Variants in VRK2 observed in about 807,000 individuals in gnomAD.
The protein encoded by VRK2 is serine/threonine-protein kinase VRK2.
Under a neutral mutation model 57.6 loss-of-function variants are expected in VRK2, and 60 were observed. That is an observed-to-expected ratio of 1.04 (90% CI 0.85 to 1.29). The LOEUF is 1.29. VRK2 is among the 50% of genes most tolerant of loss of function. The probability of loss-of-function intolerance (pLI) is 0.00; values close to 1 mark genes in which losing one functional copy is unlikely to be tolerated. For synonymous variants in VRK2, 231 were observed against 199.2 expected (o/e 1.16, Z -1.35); for missense variants, 705 against 588.1 (o/e 1.20, Z -2.06).
chr2:58,077,747 G>A (rs953076566), intron 2 of VRK2, among the ~76,000 whole-genome samples: 6 of 151,900 alleles, frequency 3.9e-5, no homozygotes, highest in African/African-American at 4.8e-5. Context: ...AATAATGTGC[G>A]TACTGCCACA....
chr2:57,966,828 C>A (rs555501289), intron 1 of VRK2, among the ~76,000 whole-genome samples: 1 of 152,138 alleles, frequency 6.6e-6, no homozygotes, highest in East Asian at 1.9e-4. Flanking sequence ...TGGAAATATT[C>A]AATGTATATT....
intron 2 of VRK2, among the ~76,000 whole-genome samples, chr2:58,052,600 CA>C (rs79413397): frequency 0.048 from 3,487 of 73,382 alleles, 57 homozygotes; most frequent in African/African-American, 0.095. Context: ...GAGACTGTCT[CA>C]AAAAAAAAAA....
At chr2:58,091,775 T>A (rs1196925376) in intron 7 of VRK2, among the ~76,000 whole-genome samples, 1 of 151,850 alleles carries the variant, frequency 6.6e-6, no homozygotes, top group Non-Finnish European at 1.5e-5. Context: ...AGAGAAGGAA[T>A]ATGACTGTCC....
chr2:58,121,979 G>T (rs1161688807), intron 7 of VRK2, among the ~76,000 whole-genome samples: 3 of 152,150 alleles, frequency 2.0e-5, no homozygotes, highest in Non-Finnish European at 1.5e-5. Context: ...CTCTCCAAAA[G>T]TAATCTGAGG....
At chr2:57,927,313 A>G (rs1365758158) in intron 1 of VRK2, among the ~76,000 whole-genome samples, 2 of 140,576 alleles carry the variant, frequency 1.4e-5, no homozygotes, top group African/African-American at 5.4e-5. Context: ...GTCTCGCTCT[A>G]TCGCCCAGGC....
At chr2:58,140,244 A>G (rs1454759928) in intron 11 of VRK2, among the ~76,000 whole-genome samples, 2 of 151,988 alleles carry the variant, frequency 1.3e-5, no homozygotes, top group Non-Finnish European at 2.9e-5. Context: ...ATGTGCTGAT[A>G]TTTCAATCCA....
chr2:58,000,859 G>A (rs1171651493), intron 1 of VRK2, among the ~76,000 whole-genome samples: 1 of 152,158 alleles, frequency 6.6e-6, no homozygotes, highest in Admixed American at 6.5e-5. Flanking sequence ...AATACAAATA[G>A]AAATTCAGAA....
chr2:57,960,165 T>A (rs1035309246), intron 1 of VRK2, among the ~76,000 whole-genome samples: 1 of 152,206 alleles, frequency 6.6e-6, no homozygotes, highest in Non-Finnish European at 1.5e-5. Flanking sequence ...TGTTCTTTAA[T>A]TGGTTGTCTG....
At chr2:58,072,851 T>C (rs1458178064) in intron 2 of VRK2, among the ~76,000 whole-genome samples, 1 of 152,030 alleles carries the variant, frequency 6.6e-6, no homozygotes. Context: ...CTTTAAATGT[T>C]TGTAGAATTC....
chr2:58,041,178 C>T, intron 3 of VRK2: 2 of 536,342 alleles, frequency 3.7e-6, no homozygotes, highest in South Asian at 8.1e-5. Flanking sequence ...TTTGGCTAGT[C>T]AATATTTGGT....
chr2:58,049,596 C>A (rs890033442), intron 2 of VRK2, among the ~76,000 whole-genome samples: 1 of 152,026 alleles, frequency 6.6e-6, no homozygotes, highest in African/African-American at 2.4e-5. Context: ...TTACACTGAA[C>A]TTTAATGGAT....
intron 1 of VRK2, among the ~76,000 whole-genome samples, chr2:57,956,597 T>G (rs544688966): frequency 6.6e-6 from 1 of 152,264 alleles, no homozygotes; most frequent in South Asian, 2.1e-4. Context: ...TATATTAAGT[T>G]TGGGGAATCC....
intron 2 of VRK2, among the ~76,000 whole-genome samples, chr2:58,081,991 G>T (rs1670947817): frequency 6.6e-6 from 1 of 151,354 alleles, no homozygotes; most frequent in African/African-American, 2.4e-5. Flanking sequence ...ACTATAAAAA[G>T]ACCCCCGTGG....
intron 1 of VRK2, among the ~76,000 whole-genome samples, chr2:58,013,833 T>C (rs1045778988): frequency 8.4e-6 from 1 of 119,392 alleles, no homozygotes; most frequent in Non-Finnish European, 1.6e-5. Context: ...CACTCCCTCC[T>C]GGGCGACAGA....
intron 1 of VRK2, among the ~76,000 whole-genome samples, chr2:58,003,974 T>C (rs914054749): frequency 6.6e-5 from 10 of 152,176 alleles, no homozygotes; most frequent in African/African-American, 1.2e-4. Flanking sequence ...AACAGATAGA[T>C]ACCATTCCTA....
At chr2:57,923,504 G>A (rs997084792) in intron 1 of VRK2, among the ~76,000 whole-genome samples, 7 of 147,512 alleles carry the variant, frequency 4.7e-5, no homozygotes, top group African/African-American at 1.7e-4. Context: ...CTTTTCATAT[G>A]CCTGTTTGCC....
At chr2:58,058,522 C>A in intron 2 of VRK2, 1 of 400,752 alleles carries the variant, frequency 2.5e-6, no homozygotes, top group South Asian at 1.9e-5. Flanking sequence ...ACCTCTTAGA[C>A]ATAATGTTAC....
At chr2:58,159,131 A>G in intron 12 of VRK2, 1 of 400,400 alleles carries the variant, frequency 2.5e-6, no homozygotes, top group Non-Finnish European at 4.4e-6. Context: ...TAAAAGAACC[A>G]CTCAAATTAT....
intron 1 of VRK2, among the ~76,000 whole-genome samples, chr2:57,937,719 C>A (rs941784028): frequency 6.6e-6 from 1 of 152,062 alleles, no homozygotes; most frequent in Non-Finnish European, 1.5e-5. Context: ...ACCATACTTT[C>A]TTTACCCTTC....
Sources: allele counts gnomAD v4.1 joint callset (sites outside exome capture counted in the v4.1 genomes callset), GRCh38; gene constraint gnomAD v4.1.1; transcripts MANE v1.5; gene names NCBI Gene and HGNC (gene_info 2026-07-23, HGNC 2026-07-21).